Variants in EGFLAM observed in about 807,000 individuals in gnomAD.
EGFLAM encodes pikachurin.
A neutral mutation model predicts 113.1 loss-of-function variants in EGFLAM; 79 were observed. The ratio of observed to expected loss-of-function variants is 0.70; its 90% CI spans 0.58 to 0.84. EGFLAM has a LOEUF of 0.84. Among genes scored for constraint, EGFLAM ranks in the 40% least tolerant of loss-of-function variants. The pLI is 0.00. For missense variants in EGFLAM, 1,265 were observed against 1,291.6 expected, an observed-to-expected ratio of 0.98 and a Z score of 0.32; for synonymous variants, 504 against 487.6, an observed-to-expected ratio of 1.03 and a Z score of -0.44.
At chr5:38,433,505 C>T (rs1742250830) in intron 15 of EGFLAM, among the ~76,000 whole-genome samples, 1 of 152,200 alleles carries the variant, frequency 6.6e-6, no homozygotes, top group Non-Finnish European at 1.5e-5. Context: ...CTGCGGTCCC[C>T]CTTGGGCATG....
At chr5:38,458,508 T>C in intron 20 of EGFLAM, 114 bp downstream of exon 20, 1 of 957,914 alleles carries the variant, frequency 1.0e-6, no homozygotes, top group Non-Finnish European at 1.5e-6. Flanking sequence ...GGCATCCTAG[T>C]TACCCCTGAT....
intron 1 of EGFLAM, among the ~76,000 whole-genome samples, chr5:38,328,239 C>T (rs749863268): frequency 6.6e-6 from 1 of 152,118 alleles, no homozygotes; most frequent in Non-Finnish European, 1.5e-5. Flanking sequence ...AAGTGCCTTA[C>T]ACTTTTATTA....
intron 4 of EGFLAM, among the ~76,000 whole-genome samples, chr5:38,351,540 C>T (rs1739624740): frequency 6.6e-6 from 1 of 152,076 alleles, no homozygotes; most frequent in African/African-American, 2.4e-5. Context: ...TAGGATTTTG[C>T]TAGGAAGAAA....
At chr5:38,377,296 C>A (rs900949949) in intron 6 of EGFLAM, among the ~76,000 whole-genome samples, 4 of 152,006 alleles carry the variant, frequency 2.6e-5, no homozygotes, top group Admixed American at 2.6e-4. Flanking sequence ...TGCCACCATG[C>A]CCTGCTAATT....
rs576309512 is a variant in EGFLAM, at chr5:38,269,157, C to T, written c.97+10306C>T. Among the ~76,000 whole-genome samples the T allele has an allele frequency of 2.0e-4, 31 of 152,152 alleles. No homozygotes were observed. The South Asian group carries it at 2.7e-3, about 13-fold the overall frequency. On this transcript the variant is annotated intron_variant, in intron 1 of 21. Coordinates refer to ENST00000322350, the MANE Select transcript of EGFLAM (RefSeq NM_152403.4). ...TCCTGCCACTGCACTCCAGCCTGGG[C>T]GATGGGAGTGAGACCCTGCATCAAC... is the stretch of plus-strand genomic sequence containing the variant.
At chr5:38,392,455 T>G (rs928725412) in intron 6 of EGFLAM, among the ~76,000 whole-genome samples, 1 of 152,196 alleles carries the variant, frequency 6.6e-6, no homozygotes, top group African/African-American at 2.4e-5. Flanking sequence ...ATGATTTATA[T>G]TCCTCTGGGT....
intron 6 of EGFLAM, among the ~76,000 whole-genome samples, chr5:38,374,030 C>A (rs1381492931): frequency 6.6e-6 from 1 of 152,140 alleles, no homozygotes; most frequent in Non-Finnish European, 1.5e-5. Context: ...ACTGGCCTCA[C>A]AAATTTATTC....
chr5:38,344,719 T>C (rs1739432036), intron 3 of EGFLAM, among the ~76,000 whole-genome samples: 1 of 152,194 alleles, frequency 6.6e-6, no homozygotes, highest in Non-Finnish European at 1.5e-5. Context: ...TCCAACCCAT[T>C]GTTCTGCCAA....
chr5:38,312,243 ATT>A (rs35055096), intron 1 of EGFLAM, among the ~76,000 whole-genome samples: 12 of 140,216 alleles, frequency 8.6e-5, no homozygotes, highest in Non-Finnish European at 9.3e-5. Flanking sequence ...TGTATCTCAG[ATT>A]TTTTTTTTTT....
In EGFLAM at chr5:38,418,200, G is replaced by T. The variant is rs1741714417; in HGVS notation, c.1629G>T (p.Arg543Ser). 3 of 1,614,012 alleles carry T rather than the reference G, an allele frequency of 1.9e-6. No individual in the cohort carries two copies. The highest frequency in any genetic ancestry group is 2.5e-6 in the Non-Finnish European group (3 of 1,180,016). ...TGCAGTCGCTCGCTGTGAATGGGAG[G>T]AGAATTGACATGAGGCCCTGGCCCC... ...GCVQSLAVNG[R>S]RIDMRPWPLG... is the part of the protein sequence containing the mutation. Residue 543 changes from arginine to serine, a missense_variant, in exon 12 of 22, where the codon AGG becomes AGT. Coordinates refer to ENST00000322350, the MANE Select transcript of EGFLAM (RefSeq NM_152403.4).
At chr5:38,456,233 T>C (rs992316572) in intron 19 of EGFLAM, among the ~76,000 whole-genome samples, 1 of 152,182 alleles carries the variant, frequency 6.6e-6, no homozygotes, top group Non-Finnish European at 1.5e-5. Context: ...GAAGGGATTA[T>C]TATCCCCGTT....
chr5:38,308,309 G>T (rs1758781420), intron 1 of EGFLAM, among the ~76,000 whole-genome samples: 1 of 152,206 alleles, frequency 6.6e-6, no homozygotes, highest in African/African-American at 2.4e-5. Flanking sequence ...TGCCAATGGG[G>T]CCACTTGTCA....
intron 17 of EGFLAM, among the ~76,000 whole-genome samples, chr5:38,442,221 A>G (rs1311008735): frequency 6.6e-6 from 1 of 151,410 alleles, no homozygotes; most frequent in Non-Finnish European, 1.5e-5. Context: ...AAACACATAA[A>G]TTATGCATGC....
At chr5:38,323,616 T>C (rs777830937) in intron 1 of EGFLAM, among the ~76,000 whole-genome samples, 2 of 152,204 alleles carry the variant, frequency 1.3e-5, no homozygotes, top group Non-Finnish European at 2.9e-5. Flanking sequence ...CTGCTTAATA[T>C]TGCTTGTCTC....
At chr5:38,428,666 G>T (rs1242460731) in intron 14 of EGFLAM, among the ~76,000 whole-genome samples, 1 of 152,176 alleles carries the variant, frequency 6.6e-6, no homozygotes, top group South Asian at 2.1e-4. Flanking sequence ...CCCTCCTCCT[G>T]GACAGACTAC....
intron 1 of EGFLAM, among the ~76,000 whole-genome samples, chr5:38,265,328 G>C (rs1277469481): frequency 1.3e-5 from 2 of 152,162 alleles, no homozygotes; most frequent in South Asian, 2.1e-4. Flanking sequence ...CTTGCCCAGG[G>C]CTATCCTGTG....
At chr5:38,415,870 C>T (rs1034994825) in intron 11 of EGFLAM, among the ~76,000 whole-genome samples, 4 of 151,934 alleles carry the variant, frequency 2.6e-5, no homozygotes, top group South Asian at 2.1e-4. Flanking sequence ...GCTGGGCAAA[C>T]GGGGAAAAGC....
Position 38,427,057 on chromosome 5 carries a change from C to T in EGFLAM, c.1859C>T (p.Ala620Val), listed in dbSNP as rs768681227. ...TTCAGAGAGTCTCTGAGATCTTACG[C>T]TGCAACTCCCTGGCCACTGGAGCCC... ...PQFRESLRSY[A>V]ATPWPLEPQH... The change falls in exon 14 of 22, where the codon GCT becomes GTT. Residue 620 changes from alanine (A) to valine (V), a missense_variant. By Grantham distance (64) the Ala-to-Val change is moderately conservative. Transcript: ENST00000322350. The T allele has an allele frequency of 3.7e-6, 6 of 1,614,144 alleles. No homozygotes were observed. In the South Asian group the frequency reaches 5.5e-5, roughly 15 times the overall value.
intron 5 of EGFLAM, among the ~76,000 whole-genome samples, chr5:38,360,607 T>C (rs1004110532): frequency 2.6e-5 from 4 of 152,152 alleles, no homozygotes; most frequent in Non-Finnish European, 4.4e-5. Flanking sequence ...TTAACTTCTC[T>C]GGCCTCAGAC....
Sources: gnomAD v4.1 joint callset for allele counts (sites outside exome capture counted in the v4.1 genomes callset) on GRCh38, gnomAD v4.1.1 for gene constraint, MANE v1.5 for transcripts, NCBI Gene and HGNC (gene_info 2026-07-23, HGNC 2026-07-21) for gene names.